AGMO: variants seen among roughly 807,000 people sequenced by gnomAD.
The protein encoded by AGMO is alkylglycerol monooxygenase, also known as glyceryl-ether monooxygenase.
A neutral mutation model predicts 60.2 loss-of-function variants in AGMO; 75 were observed. The observed-to-expected ratio is 1.25, with a 90% CI of 1.03 to 1.51. The LOEUF (loss-of-function observed/expected upper bound fraction) is 1.51. AGMO is among the 40% of genes most tolerant of loss of function. AGMO has a pLI of 0.00. For missense variants in AGMO, 763 were observed against 525.5 expected (o/e 1.45, Z -4.42); for synonymous variants, 261 against 177.1 (o/e 1.47, Z -3.76).
chr7:15,515,919 A>G (rs923220193), intron 3 of AGMO, among the ~76,000 whole-genome samples: 2 of 152,202 alleles, frequency 1.3e-5, no homozygotes, highest in African/African-American at 4.8e-5. Context: ...GACAAAGGAT[A>G]TAAAATTTCA....
At chr7:15,490,182 G>C (rs184619100) in intron 3 of AGMO, among the ~76,000 whole-genome samples, 1 of 152,128 alleles carries the variant, frequency 6.6e-6, no homozygotes, top group South Asian at 2.1e-4. Flanking sequence ...GATGGGAAAA[G>C]CTTGCTCATT....
At chr7:15,236,798 G>T (rs190725946) in intron 12 of AGMO, among the ~76,000 whole-genome samples, 27 of 151,984 alleles carry the variant, frequency 1.8e-4, no homozygotes, top group Non-Finnish European at 3.8e-4. Flanking sequence ...CTAGTTACTA[G>T]TTAGTGATTA....
intron 2 of AGMO, among the ~76,000 whole-genome samples, chr7:15,548,563 T>G (rs1421400554): frequency 6.6e-6 from 1 of 151,910 alleles, no homozygotes; most frequent in African/African-American, 2.4e-5. Context: ...AGAAAGGGTA[T>G]CAGCGATGGA....
At chr7:15,227,903 C>G (rs1782138136) in intron 12 of AGMO, among the ~76,000 whole-genome samples, 2 of 152,042 alleles carry the variant, frequency 1.3e-5, no homozygotes, top group Non-Finnish European at 2.9e-5. Flanking sequence ...CAAAGCTTTT[C>G]TTTCCTCAAA....
chr7:15,175,429 A>G, the AGMO span, among the ~76,000 whole-genome samples: 2 of 152,016 alleles, frequency 1.3e-5, no homozygotes, highest in Non-Finnish European at 2.9e-5. Context: ...GGGAAAATTC[A>G]TGTAATTAAT....
chr7:15,168,694 A>C, the AGMO span, among the ~76,000 whole-genome samples: 1 of 152,186 alleles, frequency 6.6e-6, no homozygotes, highest in Non-Finnish European at 1.5e-5. Flanking sequence ...AGTTCCTTAG[A>C]CTCAGAACTG....
At chr7:15,359,313 T>C (rs979146472) in intron 12 of AGMO, among the ~76,000 whole-genome samples, 24 of 150,000 alleles carry the variant, frequency 1.6e-4, no homozygotes, top group Non-Finnish European at 2.4e-4. Flanking sequence ...AAAAAGAAAT[T>C]AGATTTATTA....
the AGMO span, among the ~76,000 whole-genome samples, chr7:15,164,023 C>T: frequency 1.3e-5 from 2 of 151,990 alleles, no homozygotes; most frequent in African/African-American, 2.4e-5. Context: ...ATAAGCAAAA[C>T]AGCATGGTAC....
chr7:15,504,127 G>T (rs1437010647), intron 3 of AGMO, among the ~76,000 whole-genome samples: 1 of 151,580 alleles, frequency 6.6e-6, no homozygotes, highest in Non-Finnish European at 1.5e-5. Flanking sequence ...ATACATTTTT[G>T]GATGTAATAT....
At chr7:15,301,090 T>G (rs1364181109) in intron 12 of AGMO, among the ~76,000 whole-genome samples, 2 of 152,172 alleles carry the variant, frequency 1.3e-5, no homozygotes, top group East Asian at 3.9e-4. Flanking sequence ...TTATATTATT[T>G]CAGTGATTGC....
At chr7:15,367,601 T>C (rs1257624937) in intron 10 of AGMO, among the ~76,000 whole-genome samples, 1 of 151,978 alleles carries the variant, frequency 6.6e-6, no homozygotes, top group Non-Finnish European at 1.5e-5. Context: ...ATATGAGCAA[T>C]AGATTTAAAG....
At chr7:15,212,557 A>ATTT (rs1781625317) in intron 12 of AGMO, among the ~76,000 whole-genome samples, 2 of 152,110 alleles carry the variant, frequency 1.3e-5, no homozygotes, top group South Asian at 4.1e-4. Context: ...AAAATATTTT[A>ATTT]CTAAAATGAG....
chr7:15,513,620 C>T (rs1046156531), intron 3 of AGMO, among the ~76,000 whole-genome samples: 1 of 152,062 alleles, frequency 6.6e-6, no homozygotes, highest in African/African-American at 2.4e-5. Flanking sequence ...TGCCAGTGGC[C>T]ACACAATAAA....
the AGMO span, among the ~76,000 whole-genome samples, chr7:15,144,853 G>C: frequency 6.6e-6 from 1 of 152,162 alleles, no homozygotes; most frequent in African/African-American, 2.4e-5. Context: ...TTGTTGAGAC[G>C]GAGTCTCGCT....
chr7:15,352,568 C>T (rs978860240), intron 12 of AGMO, among the ~76,000 whole-genome samples: 18 of 151,536 alleles, frequency 1.2e-4, no homozygotes, highest in African/African-American at 4.4e-4. Context: ...TCAGGCTTGG[C>T]CAGAAATGCG....
intron 3 of AGMO, 67 bp from the exon 4 acceptor site, chr7:15,431,175 G>A: frequency 9.1e-7 from 1 of 1,102,174 alleles, no homozygotes; most frequent in Non-Finnish European, 1.4e-6. Context: ...TTTCAGTTAT[G>A]CATGCTGCTC....
chr7:15,126,590 A>T, the AGMO span, among the ~76,000 whole-genome samples: 2 of 152,254 alleles, frequency 1.3e-5, no homozygotes, highest in South Asian at 4.1e-4. Flanking sequence ...CTGGGGAGTC[A>T]TGCCCTACAA....
intron 3 of AGMO, among the ~76,000 whole-genome samples, chr7:15,512,366 C>G (rs956367270): frequency 6.6e-6 from 1 of 152,114 alleles, no homozygotes; most frequent in Admixed American, 6.6e-5. Flanking sequence ...GATCCTCCTG[C>G]CTCAGCTTTT....
chr7:15,213,165 T>C (rs1438495454), intron 12 of AGMO, among the ~76,000 whole-genome samples: 1 of 151,842 alleles, frequency 6.6e-6, no homozygotes, highest in Admixed American at 6.6e-5. Flanking sequence ...TATTTTTTTT[T>C]CCAACTCAAT....
Sources: allele counts gnomAD v4.1 joint callset (sites outside exome capture counted in the v4.1 genomes callset), GRCh38; gene constraint gnomAD v4.1.1; transcripts MANE v1.5; gene names NCBI Gene and HGNC (gene_info 2026-07-23, HGNC 2026-07-21).